Variants in SUPT3H observed in about 807,000 individuals in gnomAD.
The protein encoded by SUPT3H is SPT3 homolog, SAGA and STAGA complex component, also known as transcription initiation protein SPT3 homolog.
A neutral mutation model predicts 44.3 loss-of-function variants in SUPT3H; 44 were observed. That is an observed-to-expected ratio of 0.99 (90% CI 0.78 to 1.28). The LOEUF (loss-of-function observed/expected upper bound fraction) is 1.28, where lower values mean the gene tolerates loss of function less well. Among genes scored for constraint, SUPT3H ranks in the 50% most tolerant of loss-of-function variants. SUPT3H has a pLI of 0.00. For synonymous variants in SUPT3H, 124 were observed against 125.6 expected (o/e 0.99, Z 0.09); for missense variants, 380 against 387.1 (o/e 0.98, Z 0.15).
intron 2 of SUPT3H, among the ~76,000 whole-genome samples, chr6:45,236,604 C>A (rs941563254): frequency 5.9e-5 from 9 of 151,748 alleles, no homozygotes; most frequent in Non-Finnish European, 1.2e-4. Context: ...TCTGGAGGAC[C>A]TTGGGTGAAA....
At chr6:44,936,193 T>C (rs544962420) in intron 9 of SUPT3H, among the ~76,000 whole-genome samples, 33 of 152,340 alleles carry the variant, frequency 2.2e-4, no homozygotes, top group African/African-American at 7.2e-4. Flanking sequence ...TCCTCCAAAG[T>C]TTCATCCTTA....
At chr6:45,208,194 T>A (rs1156771115) in intron 2 of SUPT3H, among the ~76,000 whole-genome samples, 1 of 152,172 alleles carries the variant, frequency 6.6e-6, no homozygotes, top group African/African-American at 2.4e-5. Context: ...AACATTCCCA[T>A]AAGCCAAAGC....
chr6:45,211,748 C>A (rs1200426935), intron 2 of SUPT3H, among the ~76,000 whole-genome samples: 1 of 151,994 alleles, frequency 6.6e-6, no homozygotes, highest in Non-Finnish European at 1.5e-5. Context: ...ACACGGGAGG[C>A]TGAAGCAGGA....
At chr6:45,275,844 T>C (rs1423900036) in intron 2 of SUPT3H, among the ~76,000 whole-genome samples, 1 of 152,130 alleles carries the variant, frequency 6.6e-6, no homozygotes, top group African/African-American at 2.4e-5. Flanking sequence ...GACTGAATAA[T>C]ACATTTATCT....
chr6:44,959,700 T>A (rs1470012506), intron 7 of SUPT3H, among the ~76,000 whole-genome samples: 1 of 152,158 alleles, frequency 6.6e-6, no homozygotes, highest in Admixed American at 6.5e-5. Context: ...AATTGTGAAT[T>A]AGATTAGTGT....
At chr6:44,964,456 T>C (rs903378611) in intron 6 of SUPT3H, among the ~76,000 whole-genome samples, 1 of 152,194 alleles carries the variant, frequency 6.6e-6, no homozygotes, top group Non-Finnish European at 1.5e-5. Flanking sequence ...TCTGCATATA[T>C]GCTTACATAG....
intron 2 of SUPT3H, among the ~76,000 whole-genome samples, chr6:45,161,085 C>G (rs780566970): frequency 6.6e-6 from 1 of 152,086 alleles, no homozygotes. Flanking sequence ...CATGAGACAC[C>G]TGCTCCCCCT....
At chr6:45,296,761 A>AAAAAAAAAAAAAAAAAAAC (rs1781326023) in intron 2 of SUPT3H, among the ~76,000 whole-genome samples, 1 of 147,438 alleles carries the variant, frequency 6.8e-6, no homozygotes, top group Non-Finnish European at 1.5e-5. Flanking sequence ...AAAAAAAAAA[A>AAAAAAAAAAAAAAAAAAAC]AAATTACAAA....
chr6:45,135,570 T>C (rs1366569657), intron 2 of SUPT3H, among the ~76,000 whole-genome samples: 1 of 152,250 alleles, frequency 6.6e-6, no homozygotes, highest in African/African-American at 2.4e-5. Context: ...CCCTAGGGCA[T>C]GGACACAACT....
chr6:45,371,124 A>C (rs1225732597), intron 1 of SUPT3H, among the ~76,000 whole-genome samples: 2 of 152,300 alleles, frequency 1.3e-5, no homozygotes, highest in African/African-American at 4.8e-5. Context: ...TATACTCCTA[A>C]CAGTAAGAGG....
chr6:45,208,296 G>T (rs1445287188), intron 2 of SUPT3H, among the ~76,000 whole-genome samples: 1 of 152,152 alleles, frequency 6.6e-6, no homozygotes, highest in Non-Finnish European at 1.5e-5. Flanking sequence ...GGCAGATGTT[G>T]GTTCATGAGG....
At chr6:45,016,424 C>T (rs1478448481) in intron 4 of SUPT3H, among the ~76,000 whole-genome samples, 1 of 150,860 alleles carries the variant, frequency 6.6e-6, no homozygotes, top group East Asian at 2.0e-4. Flanking sequence ...TATACATGTG[C>T]CATGCTGGTG....
downstream of SUPT3H, among the ~76,000 whole-genome samples, chr6:44,824,125 G>A (rs1021763710): frequency 6.6e-6 from 1 of 152,222 alleles, no homozygotes; most frequent in Non-Finnish European, 1.5e-5. Context: ...ACACTGTGCC[G>A]ATCTTGCTTA....
At chr6:45,209,225 C>T (rs967641185) in intron 2 of SUPT3H, among the ~76,000 whole-genome samples, 3 of 152,148 alleles carry the variant, frequency 2.0e-5, no homozygotes, top group African/African-American at 7.2e-5. Context: ...CATTCTGCAG[C>T]CCATGGATCA....
intron 6 of SUPT3H, among the ~76,000 whole-genome samples, chr6:44,977,675 A>T (rs543982843): frequency 6.6e-6 from 1 of 152,256 alleles, no homozygotes; most frequent in African/African-American, 2.4e-5. Context: ...TAAGATTCCT[A>T]TTCCAAAATC....
intron 2 of SUPT3H, among the ~76,000 whole-genome samples, chr6:45,251,647 A>G (rs1232713665): frequency 6.6e-6 from 1 of 152,212 alleles, no homozygotes; most frequent in Non-Finnish European, 1.5e-5. Flanking sequence ...TTTCAAGTAG[A>G]AAAAGACATG....
At position 44,827,470 on chromosome 6, in the gene SUPT3H, G is replaced by A. The variant is rs1364398238; in HGVS notation, c.*2346C>T. ...CTGGTCTGTCACTACATTATTGAGTGATCTTAGGAAACTCACTTTCCCTCT... is the reference window on the plus strand; with the variant it reads ...CTGGTCTGTCACTACATTATTGAGTAATCTTAGGAAACTCACTTTCCCTCT... On this transcript the variant is annotated 3_prime_UTR_variant, in exon 11 of 11. Transcript: ENST00000371459. Among the ~76,000 whole-genome samples the A allele has an allele frequency of 6.6e-6, 1 of 152,030 alleles. No individual in the cohort carries two copies. Among genetic ancestry groups the A allele is most frequent in the Non-Finnish European group, 1.5e-5 (1 of 67,952 alleles).
chr6:45,293,330 C>A (rs1463944371), intron 2 of SUPT3H, among the ~76,000 whole-genome samples: 1 of 152,060 alleles, frequency 6.6e-6, no homozygotes, highest in Non-Finnish European at 1.5e-5. Context: ...TGGGACACAG[C>A]AAAGGCAGTG....
At chr6:45,297,415 T>C (rs1358048790) in intron 2 of SUPT3H, among the ~76,000 whole-genome samples, 11 of 152,238 alleles carry the variant, frequency 7.2e-5, no homozygotes, top group Non-Finnish European at 1.5e-4. Context: ...ACTGTCTTTT[T>C]TGTACTTCTA....
Sources: gnomAD v4.1 joint callset for allele counts (sites outside exome capture counted in the v4.1 genomes callset) on GRCh38, gnomAD v4.1.1 for gene constraint, MANE v1.5 for transcripts, NCBI Gene and HGNC (gene_info 2026-07-23, HGNC 2026-07-21) for gene names.